BTBD9: variants seen among roughly 807,000 people sequenced by gnomAD.
The protein encoded by BTBD9 is BTB domain containing 9, also known as BTB/POZ domain-containing protein 9.
BTBD9 carries 49 observed loss-of-function variants against 64.3 expected under a neutral mutation model. The ratio of observed to expected loss-of-function variants is 0.76; its 90% CI spans 0.61 to 0.97. BTBD9 has a LOEUF of 0.97. BTBD9 is among the 50% of genes least tolerant of loss of function. BTBD9 has a pLI of 0.00. For missense variants in BTBD9, 598 were observed against 762.1 expected, an observed-to-expected ratio of 0.78 and a Z score of 2.53; for synonymous variants, 260 against 274.7, an observed-to-expected ratio of 0.95 and a Z score of 0.53.
intron 1 of BTBD9, among the ~76,000 whole-genome samples, chr6:38,620,253 T>C (rs1001547233): frequency 6.6e-6 from 1 of 152,234 alleles, no homozygotes; most frequent in Non-Finnish European, 1.5e-5. Context: ...GTAATTCCTC[T>C]ACATTCAGTT....
chr6:38,421,857 G>A (rs183319435), intron 6 of BTBD9, among the ~76,000 whole-genome samples: 112 of 152,268 alleles, frequency 7.4e-4, no homozygotes, highest in African/African-American at 2.4e-3. Context: ...TAAATGGAGA[G>A]TATAAATATG....
chr6:38,626,686 T>A lies in BTBD9; in HGVS notation c.-28+13114A>T, dbSNP rs902961713. 4.6e-5 allele frequency among the ~76,000 whole-genome samples: 7 copies of A among 152,138 alleles called. 1 individual carries two copies. Among genetic ancestry groups the A allele is most frequent in the African/African-American group, 1.7e-4 (7 of 41,420 alleles). On this transcript the variant is annotated intron_variant, in intron 1 of 10. Coordinates refer to ENST00000481247, the MANE Select transcript of BTBD9 (RefSeq NM_001099272.2). The stretch of plus-strand genomic sequence containing the variant: ...AATTTAACTATTTATATGGAATAAG[T>A]TAGAAATAGCGGGGCCTACTCACCA...
chr6:38,352,497 A>G (rs1764559737), intron 6 of BTBD9, among the ~76,000 whole-genome samples: 1 of 152,252 alleles, frequency 6.6e-6, no homozygotes, highest in African/African-American at 2.4e-5. Flanking sequence ...GGAAAGCAAG[A>G]TGAAAACATA....
At chr6:38,321,613 T>C (rs2127576300) in intron 7 of BTBD9, among the ~76,000 whole-genome samples, 1 of 152,322 alleles carries the variant, frequency 6.6e-6, no homozygotes, top group Middle Eastern at 3.4e-3. Flanking sequence ...CTCATTTCAC[T>C]ATGGTTTTCC....
At chr6:38,193,062 A>AAT (rs1008460136) in intron 9 of BTBD9, among the ~76,000 whole-genome samples, 103 of 63,240 alleles carry the variant, frequency 1.6e-3, no homozygotes, top group African/African-American at 4.5e-3. Context: ...TAATAATAAT[A>AAT]AAAAAAAAAG....
At chr6:38,610,318 T>C (rs1210477709) in intron 1 of BTBD9, among the ~76,000 whole-genome samples, 1 of 152,200 alleles carries the variant, frequency 6.6e-6, no homozygotes, top group Non-Finnish European at 1.5e-5. Context: ...CTCTTTGCTG[T>C]AGCCATGGTA....
intron 9 of BTBD9, among the ~76,000 whole-genome samples, chr6:38,227,189 CAT>C (rs1199729295): frequency 2.6e-5 from 4 of 152,168 alleles, no homozygotes; most frequent in African/African-American, 9.7e-5. Context: ...AGAGGAAGGT[CAT>C]AAATTTTCTC....
At chr6:38,613,722 C>G (rs1777696482) in intron 1 of BTBD9, among the ~76,000 whole-genome samples, 1 of 151,960 alleles carries the variant, frequency 6.6e-6, no homozygotes, top group South Asian at 2.1e-4. Flanking sequence ...ATAAAAATGT[C>G]AGAGGGAGCC....
chr6:38,478,518 TC>T (rs1770995577), intron 6 of BTBD9, among the ~76,000 whole-genome samples: 1 of 152,182 alleles, frequency 6.6e-6, no homozygotes, highest in African/African-American at 2.4e-5. Flanking sequence ...ACAACCACTT[TC>T]TCTGACCCTT....
intron 6 of BTBD9, among the ~76,000 whole-genome samples, chr6:38,516,352 G>A (rs1451287365): frequency 6.6e-6 from 1 of 152,120 alleles, no homozygotes; most frequent in Non-Finnish European, 1.5e-5. Flanking sequence ...CACCTATAGA[G>A]CTACTGTGAC....
chr6:38,424,291 C>T (rs1768043939), intron 6 of BTBD9, among the ~76,000 whole-genome samples: 1 of 151,836 alleles, frequency 6.6e-6, no homozygotes, highest in East Asian at 1.9e-4. Context: ...ATTCATCATA[C>T]AAGGTCATAT....
chr6:38,609,686 T>C (rs1777548291), intron 1 of BTBD9, among the ~76,000 whole-genome samples: 1 of 152,262 alleles, frequency 6.6e-6, no homozygotes. Flanking sequence ...GAATAATTGA[T>C]GAGCTTATGA....
intron 9 of BTBD9, among the ~76,000 whole-genome samples, chr6:38,213,841 G>T (rs1212333709): frequency 6.6e-6 from 1 of 151,760 alleles, no homozygotes; most frequent in Non-Finnish European, 1.5e-5. Context: ...AAATTAGCCA[G>T]GTGTGGTGGC....
At chr6:38,506,437 C>T (rs527836307) in intron 6 of BTBD9, among the ~76,000 whole-genome samples, 49 of 152,336 alleles carry the variant, frequency 3.2e-4, no homozygotes, top group African/African-American at 1.0e-3. Context: ...CTGTTACCCT[C>T]GTGATCCCGT....
chr6:38,486,186 C>A (rs61192259), intron 6 of BTBD9, among the ~76,000 whole-genome samples: 74,300 of 152,072 alleles, frequency 0.49, 19,300 homozygotes, highest in Non-Finnish European at 0.59. Flanking sequence ...CCGAATCAGG[C>A]TTTGGCTTTA....
intron 6 of BTBD9, among the ~76,000 whole-genome samples, chr6:38,451,024 G>C (rs1354675886): frequency 6.6e-6 from 1 of 152,082 alleles, no homozygotes; most frequent in Non-Finnish European, 1.5e-5. Flanking sequence ...CTTCTCTATT[G>C]AAAGTCTACC....
intron 8 of BTBD9, among the ~76,000 whole-genome samples, chr6:38,261,929 T>C (rs558397523): frequency 6.6e-6 from 1 of 152,346 alleles, no homozygotes; most frequent in South Asian, 2.1e-4. Context: ...ATGCCTAGGA[T>C]GCACATTTGC....
chr6:38,383,120 G>C (rs550167769), intron 6 of BTBD9, among the ~76,000 whole-genome samples: 7 of 152,064 alleles, frequency 4.6e-5, no homozygotes, highest in Non-Finnish European at 7.4e-5. Flanking sequence ...CAAAATCCTA[G>C]AAAAATTTCA....
At chr6:38,328,564 C>CGTGTGTGT (rs201357884) in intron 7 of BTBD9, among the ~76,000 whole-genome samples, 3,182 of 130,452 alleles carry the variant, frequency 0.024, 87 homozygotes, top group African/African-American at 0.051. Context: ...TTTAAGCCAC[C>CGTGTGTGT]GTGTGTGTGT....
Sources: allele counts gnomAD v4.1 joint callset (sites outside exome capture counted in the v4.1 genomes callset), GRCh38; gene constraint gnomAD v4.1.1; transcripts MANE v1.5; gene names NCBI Gene and HGNC (gene_info 2026-07-23, HGNC 2026-07-21).